Variants in SRGAP1 observed in about 807,000 individuals in gnomAD.
SRGAP1 encodes the protein SLIT-ROBO Rho GTPase-activating protein 1.
A neutral mutation model predicts 121.9 loss-of-function variants in SRGAP1; 43 were observed. The ratio of observed to expected loss-of-function variants is 0.35; its 90% CI spans 0.28 to 0.46. The LOEUF (loss-of-function observed/expected upper bound fraction) is 0.46. Among genes scored for constraint, SRGAP1 ranks in the 20% least tolerant of loss-of-function variants. SRGAP1 has a pLI of 1.00. For missense variants in SRGAP1, 1,102 were observed against 1,350.9 expected (o/e 0.82, Z 2.89); for synonymous variants, 447 against 485.4 (o/e 0.92, Z 1.04).
chr12:63,882,644 A>T (rs1013086466), intron 1 of SRGAP1, among the ~76,000 whole-genome samples: 4 of 152,130 alleles, frequency 2.6e-5, no homozygotes, highest in Non-Finnish European at 5.9e-5. Context: ...CATTCTAATC[A>T]CTCAAAATGA....
intron 18 of SRGAP1, 44 bp downstream of exon 18, chr12:64,115,937 C>A: frequency 6.7e-7 from 1 of 1,500,686 alleles, no homozygotes. Flanking sequence ...TCTTTATATC[C>A]CTATTGTAAA....
chr12:63,958,932 G>A (rs951192606), intron 1 of SRGAP1, among the ~76,000 whole-genome samples: 3 of 152,156 alleles, frequency 2.0e-5, no homozygotes, highest in African/African-American at 7.2e-5. Context: ...TTGGGTAATT[G>A]CTGTCTTTTA....
chr12:63,963,154 G>C (rs1592986611), intron 1 of SRGAP1, among the ~76,000 whole-genome samples: 1 of 152,166 alleles, frequency 6.6e-6, no homozygotes, highest in Non-Finnish European at 1.5e-5. Context: ...AACAGCCACA[G>C]AGCATAACTC....
At chr12:63,905,135 G>A (rs1176507418) in intron 1 of SRGAP1, among the ~76,000 whole-genome samples, 1 of 152,202 alleles carries the variant, frequency 6.6e-6, no homozygotes, top group Middle Eastern at 3.4e-3. Context: ...AGAAATGTCC[G>A]AGGGCCTTTG....
intron 1 of SRGAP1, chr12:63,871,999 C>T: frequency 1.1e-6 from 1 of 910,282 alleles, no homozygotes. Flanking sequence ...GTCACTTCGT[C>T]AGGTGATGCT....
chr12:63,979,287 C>T (rs1030513631), intron 1 of SRGAP1, among the ~76,000 whole-genome samples: 2 of 152,086 alleles, frequency 1.3e-5, no homozygotes, highest in Non-Finnish European at 2.9e-5. Flanking sequence ...ATCCACCTGC[C>T]TCGGCCTCCC....
chr12:64,135,019 G>A (rs2036837931), intron 21 of SRGAP1, among the ~76,000 whole-genome samples: 1 of 152,126 alleles, frequency 6.6e-6, no homozygotes, highest in South Asian at 2.1e-4. Flanking sequence ...CCTCATGGGA[G>A]GCCATCACCA....
Position 64,111,996 on chromosome 12 carries a change from A to G in SRGAP1, c.2144+10A>G. 6.2e-7 allele frequency: 1 copy of G among 1,605,890 alleles called. No individual in the cohort carries two copies. Among genetic ancestry groups the G allele is most frequent in the Non-Finnish European group, 8.5e-7 (1 of 1,173,290 alleles). On this transcript the variant is annotated intron_variant, in intron 17 of 21. Transcript: ENST00000355086. ...CTGGAGATGACTATTGGTAAGTCTA[A>G]GAATTTTAGTCCTCCTCTCCCACCG... is the stretch of plus-strand genomic sequence containing the variant.
chr12:63,874,380 T>A lies in SRGAP1; in HGVS notation c.67+29497T>A, dbSNP rs184417242. 3.9e-5 allele frequency among the ~76,000 whole-genome samples: 6 copies of A among 152,164 alleles called. No homozygotes were observed. The East Asian group carries it at 1.2e-3, about 30-fold the overall frequency. ...CACCATGCCTGGCTAACTTTTTGTATTTTTAATAGTAACAGGGTTTCACCA... is the reference window on the plus strand; with the variant it reads ...CACCATGCCTGGCTAACTTTTTGTAATTTTAATAGTAACAGGGTTTCACCA... On this transcript the variant is annotated intron_variant, in intron 1 of 21. Coordinates refer to ENST00000355086, the MANE Select transcript of SRGAP1 (RefSeq NM_020762.4).
At chr12:63,959,298 A>G (rs572421844) in intron 1 of SRGAP1, among the ~76,000 whole-genome samples, 2 of 152,356 alleles carry the variant, frequency 1.3e-5, no homozygotes, top group Admixed American at 6.5e-5. Context: ...TTTCAGGAAC[A>G]TAACTAGCTC....
intron 3 of SRGAP1, among the ~76,000 whole-genome samples, chr12:64,006,891 C>T (rs998899685): frequency 6.6e-6 from 1 of 152,146 alleles, no homozygotes; most frequent in Non-Finnish European, 1.5e-5. Flanking sequence ...TCAGTCCATC[C>T]TATTCAGATT....
Position 64,127,711 on chromosome 12 carries a change from G to A in SRGAP1, c.2527G>A (p.Gly843Ser), listed in dbSNP as rs372970728. 60 of 1,613,930 alleles carry A rather than the reference G, an allele frequency of 3.7e-5. No individual in the cohort carries two copies. Among genetic ancestry groups the A allele is most frequent in the South Asian group, 4.4e-5 (4 of 91,066 alleles). Residue 843 changes from glycine (G) to serine (S), a missense_variant, in exon 20 of 22, where the codon GGC becomes AGC. Physicochemically the swap from Gly to Ser is moderately conservative, Grantham distance 56 (BLOSUM62 0). Transcript: ENST00000355086. ...CTCCCCGACAGACCGTCATCCTGAC[G>A]GCTATTTAGCCAGGTAAGTAGAGCC... is the stretch of plus-strand genomic sequence containing the variant. ...MNSPTDRHPD[G>S]YLARQRKRGE...
chr12:63,903,936 G>C (rs1461394527), intron 1 of SRGAP1, among the ~76,000 whole-genome samples: 2 of 152,020 alleles, frequency 1.3e-5, no homozygotes, highest in East Asian at 3.9e-4. Context: ...CCCAGCTCCA[G>C]CCTGTTTTTT....
chr12:63,910,403 T>C (rs921193317), intron 1 of SRGAP1, among the ~76,000 whole-genome samples: 1 of 152,244 alleles, frequency 6.6e-6, no homozygotes, highest in South Asian at 2.1e-4. Context: ...TCAAGGTCAC[T>C]GATCTATAAT....
intron 1 of SRGAP1, among the ~76,000 whole-genome samples, chr12:63,870,330 A>C (rs1016064424): frequency 4.6e-5 from 7 of 152,142 alleles, no homozygotes; most frequent in African/African-American, 1.7e-4. Context: ...AGAAGAAATA[A>C]ATTTAAAAAG....
intron 1 of SRGAP1, among the ~76,000 whole-genome samples, chr12:63,884,676 C>T (rs949050656): frequency 6.6e-6 from 1 of 151,944 alleles, no homozygotes. Context: ...CATTGACCAA[C>T]CTCTCCCCTC....
At chr12:64,128,610 G>C (rs1440808816) in intron 21 of SRGAP1, among the ~76,000 whole-genome samples, 1 of 152,182 alleles carries the variant, frequency 6.6e-6, no homozygotes, top group East Asian at 1.9e-4. Flanking sequence ...CCTTAAAACA[G>C]TAGTCCCTCC....
At chr12:63,976,419 G>T (rs2033097480) in intron 1 of SRGAP1, among the ~76,000 whole-genome samples, 1 of 152,090 alleles carries the variant, frequency 6.6e-6, no homozygotes, top group South Asian at 2.1e-4. Flanking sequence ...CCCAGCCATG[G>T]ATATGTCCGC....
chr12:64,097,225 T>G lies in SRGAP1; in HGVS notation c.1679-16T>G, dbSNP rs745918719. The G allele has an allele frequency of 2.7e-6, 4 of 1,472,740 alleles. No individual in the cohort carries two copies. The highest frequency in any genetic ancestry group is 3.7e-6 in the Non-Finnish European group (4 of 1,093,584). 91.2% of individuals were successfully genotyped at this position (1,472,740 alleles called of 1,614,324 possible). A position where few individuals can be genotyped will look rare whatever the true frequency, so the allele number is the denominator to read the frequency against. ...AGAAGCACTGTTAATGTAATGAGTT[T>G]TTTTTTTTTTTTTAGGTGAAAATCC... On this transcript the variant is annotated splice_polypyrimidine_tract_variant and intron_variant, in intron 14 of 21. Transcript: ENST00000355086.
Sources: allele counts gnomAD v4.1 joint callset (sites outside exome capture counted in the v4.1 genomes callset), GRCh38; gene constraint gnomAD v4.1.1; transcripts MANE v1.5; gene names NCBI Gene and HGNC (gene_info 2026-07-23, HGNC 2026-07-21).